KCNIP4: variants seen among roughly 807,000 people sequenced by gnomAD.
KCNIP4 encodes potassium voltage-gated channel interacting protein 4, also known as Kv channel-interacting protein 4.
In KCNIP4, 12 loss-of-function variants were observed where a neutral mutation model predicts 34.0. That is an observed-to-expected ratio of 0.35 (90% CI 0.23 to 0.57). KCNIP4 has a LOEUF of 0.57. Among genes scored for constraint, KCNIP4 ranks in the 20% least tolerant of loss-of-function variants. The probability of loss-of-function intolerance (pLI) is 0.83; values close to 1 mark genes in which losing one functional copy is unlikely to be tolerated. For missense variants in KCNIP4, 238 were observed against 311.7 expected (o/e 0.76, Z 1.78); for synonymous variants, 124 against 102.2 (o/e 1.21, Z -1.29).
chr4:20,873,754 A>G (rs1039761830), intron 2 of KCNIP4, among the ~76,000 whole-genome samples: 22 of 152,216 alleles, frequency 1.4e-4, no homozygotes, highest in Non-Finnish European at 1.5e-5. Flanking sequence ...AACCTAACTT[A>G]AAATCCCCAT....
At chr4:20,863,836 ACCC>A (rs1310679884) in intron 2 of KCNIP4, among the ~76,000 whole-genome samples, 1 of 152,056 alleles carries the variant, frequency 6.6e-6, no homozygotes, top group Admixed American at 6.6e-5. Flanking sequence ...CTGCACATGC[ACCC>A]CTGAACTTAG....
intron 1 of KCNIP4, among the ~76,000 whole-genome samples, chr4:21,507,953 G>A (rs568838974): frequency 6.6e-6 from 1 of 152,120 alleles, no homozygotes; most frequent in Non-Finnish European, 1.5e-5. Context: ...CACCATATAA[G>A]TTGCATCTGA....
chr4:21,588,573 T>C (rs1473260004), intron 1 of KCNIP4, among the ~76,000 whole-genome samples: 1 of 151,988 alleles, frequency 6.6e-6, no homozygotes, highest in East Asian at 1.9e-4. Context: ...CAGATACATA[T>C]GCAGGATACT....
At chr4:20,930,342 C>A (rs1311453278) in intron 1 of KCNIP4, among the ~76,000 whole-genome samples, 3 of 151,878 alleles carry the variant, frequency 2.0e-5, no homozygotes. Context: ...AATCTTGCAC[C>A]ATATACAAAA....
intron 5 of KCNIP4, among the ~76,000 whole-genome samples, chr4:20,735,473 T>C (rs182451464): frequency 1.0e-3 from 157 of 152,244 alleles, no homozygotes; most frequent in African/African-American, 3.3e-3. Context: ...CCTGGTTAGA[T>C]TGCATTGCAG....
chr4:20,997,920 G>A (rs1737716588), intron 1 of KCNIP4, among the ~76,000 whole-genome samples: 1 of 152,100 alleles, frequency 6.6e-6, no homozygotes. Flanking sequence ...AACGTGTAGA[G>A]AGGTGAAGAT....
chr4:21,418,068 G>C (rs924851742), intron 1 of KCNIP4, among the ~76,000 whole-genome samples: 2 of 152,130 alleles, frequency 1.3e-5, no homozygotes, highest in African/African-American at 4.8e-5. Flanking sequence ...GAATGTGTGT[G>C]TCCAGCCTTG....
chr4:21,852,235 G>C (rs1724457891), intron 1 of KCNIP4: 1 of 152,084 alleles, frequency 6.6e-6, no homozygotes, highest in Admixed American at 6.6e-5. Context: ...GCAGCTCATT[G>C]GTTTATTCAG....
At chr4:21,545,466 A>G (rs1330217520) in intron 1 of KCNIP4, among the ~76,000 whole-genome samples, 3 of 152,100 alleles carry the variant, frequency 2.0e-5, no homozygotes, top group African/African-American at 7.2e-5. Context: ...TACACGTGCC[A>G]TGGTGGTTTG....
intron 2 of KCNIP4, among the ~76,000 whole-genome samples, chr4:20,855,578 A>G (rs1017362772): frequency 4.6e-5 from 7 of 152,042 alleles, no homozygotes; most frequent in African/African-American, 1.7e-4. Flanking sequence ...GAGAGCATTG[A>G]GGGGCCAAAG....
intron 1 of KCNIP4, among the ~76,000 whole-genome samples, chr4:21,628,939 AAT>A (rs982599202): frequency 6.2e-4 from 95 of 152,328 alleles, no homozygotes; most frequent in African/African-American, 2.2e-3. Context: ...GAATTTCACA[AAT>A]ATGTGGTTTT....
chr4:21,807,211 AGCTGTAAAT>A (rs2109263262), intron 1 of KCNIP4, among the ~76,000 whole-genome samples: 1 of 152,330 alleles, frequency 6.6e-6, no homozygotes, highest in Non-Finnish European at 1.5e-5. Flanking sequence ...AATGAGGAGC[AGCTGTAAAT>A]ACAGACAAAG....
intron 1 of KCNIP4, among the ~76,000 whole-genome samples, chr4:21,359,499 A>G (rs1560326216): frequency 6.6e-6 from 1 of 152,154 alleles, no homozygotes; most frequent in African/African-American, 2.4e-5. Flanking sequence ...AAACCGAATG[A>G]GAGTAAGAAA....
chr4:20,840,963 C>T (rs926409713), intron 3 of KCNIP4, among the ~76,000 whole-genome samples: 2 of 152,178 alleles, frequency 1.3e-5, no homozygotes, highest in Non-Finnish European at 2.9e-5. Context: ...CAGATGGCGA[C>T]TCTTGCAAGG....
intron 1 of KCNIP4, among the ~76,000 whole-genome samples, chr4:21,226,784 G>C (rs1410363068): frequency 1.3e-5 from 2 of 152,184 alleles, no homozygotes; most frequent in South Asian, 2.1e-4. Flanking sequence ...CTGAGGTGTA[G>C]TGAAAATTGT....
intron 1 of KCNIP4, among the ~76,000 whole-genome samples, chr4:21,187,051 G>A (rs76314041): frequency 7.2e-5 from 11 of 152,200 alleles, no homozygotes; most frequent in African/African-American, 2.2e-4. Context: ...CATATGTTTG[G>A]CTTAAGGCAA....
At chr4:21,826,103 G>A (rs1722663930) in intron 1 of KCNIP4, among the ~76,000 whole-genome samples, 1 of 152,114 alleles carries the variant, frequency 6.6e-6, no homozygotes, top group Non-Finnish European at 1.5e-5. Context: ...AAAAAGAAGT[G>A]CTAAGGGATA....
chr4:21,065,128 C>T lies in KCNIP4; in HGVS notation c.62-182419G>A, dbSNP rs190786676. Among the ~76,000 whole-genome samples the T allele has an allele frequency of 2.5e-3, 377 of 152,300 alleles. 3 individuals carry two copies. Among genetic ancestry groups the T allele is most frequent in the Non-Finnish European group, 2.7e-3 (184 of 68,036 alleles). ...TTTGTTTCTCAAGCACGTAGTCACA[C>T]CTTTCTTCCCCTTTAATGTCAGCTT... On this transcript the variant is annotated intron_variant, in intron 1 of 8. Coordinates refer to ENST00000382152, the MANE Select transcript of KCNIP4 (RefSeq NM_025221.6).
chr4:21,261,683 C>A (rs1219522631), intron 1 of KCNIP4, among the ~76,000 whole-genome samples: 1 of 152,136 alleles, frequency 6.6e-6, no homozygotes, highest in East Asian at 1.9e-4. Context: ...TTCTTTCATT[C>A]TCTCCCTCAT....
Sources: gnomAD v4.1 joint callset for allele counts (sites outside exome capture counted in the v4.1 genomes callset) on GRCh38, gnomAD v4.1.1 for gene constraint, MANE v1.5 for transcripts, NCBI Gene and HGNC (gene_info 2026-07-23, HGNC 2026-07-21) for gene names.